Variants in MYO16 observed in about 807,000 individuals in gnomAD.
The protein encoded by MYO16 is unconventional myosin-XVI.
In MYO16, 94 loss-of-function variants were observed where a neutral mutation model predicts 205.3. The observed-to-expected ratio is 0.46, with a 90% CI of 0.39 to 0.54. The LOEUF is 0.54. Among genes scored for constraint, MYO16 ranks in the 20% least tolerant of loss-of-function variants. The pLI, the probability that MYO16 is intolerant of heterozygous loss-of-function variation, is 0.00. For synonymous variants in MYO16, 988 were observed against 954.0 expected, an observed-to-expected ratio of 1.04 and a Z score of -0.66; for missense variants, 2,315 against 2,387.5, an observed-to-expected ratio of 0.97 and a Z score of 0.63.
At chr13:108,841,071 A>T (rs545164862) in intron 9 of MYO16, among the ~76,000 whole-genome samples, 2 of 152,350 alleles carry the variant, frequency 1.3e-5, no homozygotes, top group East Asian at 3.9e-4. Context: ...AATGCTAAAG[A>T]TCTCTAATTG....
the MYO16 span, among the ~76,000 whole-genome samples, chr13:108,569,109 T>C: frequency 2.2e-4 from 34 of 152,276 alleles, no homozygotes; most frequent in African/African-American, 7.9e-4. Context: ...TGCTCCAACA[T>C]TGTTGTTACT....
chr13:109,102,175 A>G (rs1888988163), intron 28 of MYO16, among the ~76,000 whole-genome samples: 1 of 152,226 alleles, frequency 6.6e-6, no homozygotes, highest in East Asian at 1.9e-4. Flanking sequence ...TGAAGTTGTC[A>G]GTGATGCACA....
At chr13:109,034,470 G>A (rs890757440) in intron 23 of MYO16, among the ~76,000 whole-genome samples, 1 of 152,082 alleles carries the variant, frequency 6.6e-6, no homozygotes, top group African/African-American at 2.4e-5. Context: ...TGTGAAGAAG[G>A]CACCTTGCTT....
the MYO16 span, among the ~76,000 whole-genome samples, chr13:108,552,556 C>T: frequency 6.6e-6 from 1 of 152,142 alleles, no homozygotes; most frequent in South Asian, 2.1e-4. Flanking sequence ...TTATGTTCAA[C>T]CCTTTTTATG....
At chr13:108,829,579 T>C (rs1876485721) in intron 9 of MYO16, among the ~76,000 whole-genome samples, 2 of 152,182 alleles carry the variant, frequency 1.3e-5, no homozygotes, top group African/African-American at 2.4e-5. Context: ...CCAGAGTTTC[T>C]GAGTCATCTG....
At chr13:108,826,569 T>A (rs932754283) in intron 9 of MYO16, among the ~76,000 whole-genome samples, 2 of 151,802 alleles carry the variant, frequency 1.3e-5, no homozygotes, top group Admixed American at 1.3e-4. Context: ...AAACTAAAGA[T>A]TTTAGTGGTT....
At chr13:108,555,267 T>A in the MYO16 span, among the ~76,000 whole-genome samples, 125 of 152,332 alleles carry the variant, frequency 8.2e-4, no homozygotes, top group African/African-American at 2.8e-3. Flanking sequence ...GATAGATCCC[T>A]GAAGGCCACT....
At chr13:108,544,365 T>C in the MYO16 span, among the ~76,000 whole-genome samples, 2 of 152,190 alleles carry the variant, frequency 1.3e-5, no homozygotes, top group African/African-American at 4.8e-5. Flanking sequence ...TTGTATTCAC[T>C]AATTTGTTTA....
At chr13:108,725,731 TCTTTAAAA>T (rs1566573262) in intron 3 of MYO16, among the ~76,000 whole-genome samples, 1 of 152,110 alleles carries the variant, frequency 6.6e-6, no homozygotes, top group African/African-American at 2.4e-5. Context: ...AGGGAGGCAT[TCTTTAAAA>T]CTTTAAAGTT....
chr13:109,179,504 G>C, intron 33 of MYO16, 38 bp from the exon 34 acceptor site: 1 of 1,327,798 alleles, frequency 7.5e-7, no homozygotes. Context: ...GGAACAAGGA[G>C]ACACTGCTTA....
chr13:108,529,128 C>T, the MYO16 span, among the ~76,000 whole-genome samples: 1 of 152,200 alleles, frequency 6.6e-6, no homozygotes, highest in African/African-American at 2.4e-5. Flanking sequence ...AACACCAGTA[C>T]TAACCACCAA....
intron 4 of MYO16, among the ~76,000 whole-genome samples, chr13:108,773,922 C>G (rs1886047594): frequency 6.6e-6 from 1 of 152,002 alleles, no homozygotes; most frequent in Admixed American, 6.6e-5. Flanking sequence ...AAAACCCTGT[C>G]TCTACTAAAA....
Position 109,141,999 on chromosome 13 carries a change from G to A in MYO16, c.5164+623G>A, listed in dbSNP as rs1253353462. On this transcript the variant is annotated intron_variant, in intron 32 of 34. Transcript: ENST00000457511. This position sits in a 1 kb window ranked among gnomAD's most constrained non-coding sequence, Gnocchi z 4.1. Reference sequence around the variant, plus strand: ...ATCCAGCGACTCAGCCCACAGTGGGGTTTGCAGGTGGAAATCAGTCCACTC... The same window carrying A: ...ATCCAGCGACTCAGCCCACAGTGGGATTTGCAGGTGGAAATCAGTCCACTC... 1.3e-5 allele frequency among the ~76,000 whole-genome samples: 2 copies of A among 152,230 alleles called. No individual in the cohort carries two copies. The highest frequency in any genetic ancestry group is 2.9e-5 in the Non-Finnish European group (2 of 68,044).
chr13:109,127,656 GAAATAAATCCAATTGTT>G lies in MYO16; in HGVS notation c.4051+107_4051+123del. The stretch of plus-strand genomic sequence containing the variant: ...CTGTCGCCCTAATGTATTCTTAATA[GAAATAAATCCAATTGTT>G]GGCTTGCCAGCAGCTCTTAATCATT... On this transcript the variant is annotated intron_variant, in intron 31 of 34. Coordinates refer to ENST00000457511, the MANE Select transcript of MYO16 (RefSeq NM_001198950.3). This position sits in a 1 kb window ranked among gnomAD's most constrained non-coding sequence, Gnocchi z 4.2. 8.7e-7 allele frequency: 1 copy of G among 1,152,106 alleles called. No individual in the cohort carries two copies. Among genetic ancestry groups the G allele is most frequent in the Non-Finnish European group, 1.2e-6 (1 of 830,280 alleles). The allele number at this position is 1,152,106 out of a possible 1,614,324, so 71.4% of individuals were successfully genotyped here.
At chr13:108,715,823 T>G (rs1173603271) in intron 3 of MYO16, among the ~76,000 whole-genome samples, 2 of 152,198 alleles carry the variant, frequency 1.3e-5, no homozygotes, top group Non-Finnish European at 2.9e-5. Flanking sequence ...TGGTCCGGCT[T>G]AATAACCCAT....
chr13:108,703,610 A>G (rs1594224567), intron 2 of MYO16, among the ~76,000 whole-genome samples: 1 of 152,208 alleles, frequency 6.6e-6, no homozygotes, highest in East Asian at 1.9e-4. Flanking sequence ...CCTTCTTCTG[A>G]AGGGTGCATG....
chr13:108,673,607 C>T (rs1882084156), intron 2 of MYO16, among the ~76,000 whole-genome samples: 1 of 152,072 alleles, frequency 6.6e-6, no homozygotes, highest in Non-Finnish European at 1.5e-5. Flanking sequence ...TCCTCAGATC[C>T]TTGTACCAGC....
chr13:108,709,591 G>A lies in MYO16; in HGVS notation c.293-3070G>A, dbSNP rs1174262425. Reference sequence around the variant, plus strand: ...CTTACACGTAAGGTACTCAGTACAGGGTTATACCAAAGATGTTCAACATGT... The same window carrying A: ...CTTACACGTAAGGTACTCAGTACAGAGTTATACCAAAGATGTTCAACATGT... On this transcript the variant is annotated intron_variant, in intron 2 of 34. Coordinates refer to ENST00000457511, the MANE Select transcript of MYO16 (RefSeq NM_001198950.3). Among the ~76,000 whole-genome samples the A allele has an allele frequency of 2.2e-5, 3 of 134,574 alleles. 1 individual carries two copies. Among genetic ancestry groups the A allele is most frequent in the African/African-American group, 8.3e-5 (3 of 36,154 alleles). The allele number at this position is 134,574 out of a possible 152,430, so 88.3% of individuals were successfully genotyped here.
At chr13:109,124,862 A>C (rs1480334169) in intron 29 of MYO16, among the ~76,000 whole-genome samples, 2 of 152,206 alleles carry the variant, frequency 1.3e-5, no homozygotes, top group African/African-American at 2.4e-5. Flanking sequence ...CCAGTCCATC[A>C]AAGTCCAGCT....
Sources: allele counts gnomAD v4.1 joint callset (sites outside exome capture counted in the v4.1 genomes callset), GRCh38; gene constraint gnomAD v4.1.1; non-coding constraint Gnocchi (gnomAD v3.1); transcripts MANE v1.5; gene names NCBI Gene and HGNC (gene_info 2026-07-23, HGNC 2026-07-21).